Variants in DLG4 observed in about 807,000 individuals in gnomAD.
DLG4 encodes the protein disks large homolog 4.
A neutral mutation model predicts 93.8 loss-of-function variants in DLG4; 7 were observed. That is an observed-to-expected ratio of 0.07 (90% CI 0.04 to 0.14). The LOEUF (loss-of-function observed/expected upper bound fraction) is 0.14. Among genes scored for constraint, DLG4 ranks in the 10% least tolerant of loss-of-function variants. The pLI is 1.00. For missense variants in DLG4, 545 were observed against 992.9 expected (o/e 0.55, Z 6.06); for synonymous variants, 341 against 387.6 (o/e 0.88, Z 1.41).
At chr17:7,210,641 A>C (rs1392103644) in intron 1 of DLG4, among the ~76,000 whole-genome samples, 1 of 152,166 alleles carries the variant, frequency 6.6e-6, no homozygotes, top group African/African-American at 2.4e-5. Flanking sequence ...ACCTGGGGGA[A>C]GGGGTGGAAG....
At chr17:7,219,701 C>T, upstream of DLG4, 1 of 1,387,258 alleles carries the variant, frequency 7.2e-7, no homozygotes, top group South Asian at 1.5e-5. Flanking sequence ...CTCTTCTGTC[C>T]CATCCTATCC....
intron 1 of DLG4, among the ~76,000 whole-genome samples, chr17:7,213,155 T>C (rs2142923641): frequency 7.2e-6 from 1 of 139,072 alleles, no homozygotes. Context: ...TGGAGTGCAA[T>C]GGCGCGATCT....
chr17:7,199,904 C>T (rs891683708), intron 8 of DLG4, among the ~76,000 whole-genome samples: 6 of 149,104 alleles, frequency 4.0e-5, no homozygotes, highest in Non-Finnish European at 5.9e-5. Context: ...GGCATGAACC[C>T]GGGAGGCGGA....
At chr17:7,207,657 G>C (rs1218635877) in intron 2 of DLG4, among the ~76,000 whole-genome samples, 1 of 151,814 alleles carries the variant, frequency 6.6e-6, no homozygotes, top group Non-Finnish European at 1.5e-5. Context: ...CAGGCGTGGG[G>C]GCCTCTTGGG....
chr17:7,201,587 T>A (rs533321394), intron 8 of DLG4, among the ~76,000 whole-genome samples: 55 of 152,258 alleles, frequency 3.6e-4, no homozygotes, highest in African/African-American at 1.3e-3. Flanking sequence ...GCCCTCTTTG[T>A]AAGTTAACGG....
intron 2 of DLG4, chr17:7,207,957 C>T (rs2070551302): frequency 2.1e-6 from 2 of 940,278 alleles, no homozygotes; most frequent in Non-Finnish European, 2.7e-6. Context: ...AAACCCCCGC[C>T]CCCAGTCCCA....
At chr17:7,204,328 A>C in intron 2 of DLG4, 76 bp from the exon 3 acceptor site, 1 of 1,416,196 alleles carries the variant, frequency 7.1e-7, no homozygotes, top group Non-Finnish European at 9.5e-7. Context: ...GGGTCCCATC[A>C]GCGTGGCTAC....
At chr17:7,207,970 A>C (rs2142904943) in intron 2 of DLG4, 3 of 896,564 alleles carry the variant, frequency 3.3e-6, no homozygotes, top group African/African-American at 1.8e-5. Context: ...CAGTCCCAGC[A>C]TCCCCCTCCC....
chr17:7,217,850 C>T (rs1378735001), upstream of DLG4: 2 of 1,529,022 alleles, frequency 1.3e-6, no homozygotes, highest in Non-Finnish European at 1.8e-6. Flanking sequence ...AAGGAAGCAT[C>T]TATAGTTGGG....
Position 7,187,311 on chromosome 17 carries a change from G to GC in DLG4, c.*3396_*3397insG, listed in dbSNP as rs994013299. Reference sequence around the variant, plus strand: ...TCCTAGCACTTTGGGAGGCCGAGGGGGGGGGGGGTGGATCACCCGAGGTCA... The same window carrying GC: ...TCCTAGCACTTTGGGAGGCCGAGGGGCGGGGGGGGTGGATCACCCGAGGTCA... On this transcript the variant is annotated 3_prime_UTR_variant, in exon 20 of 20. Transcript: ENST00000399506. 1.6e-4 allele frequency among the ~76,000 whole-genome samples: 20 copies of GC among 125,690 alleles called. 5 individuals carry two copies. The highest frequency in any genetic ancestry group is 9.7e-4 in the East Asian group (4 of 4,114). 82.5% of individuals were successfully genotyped at this position (125,690 alleles called of 152,430 possible).
intron 2 of DLG4, among the ~76,000 whole-genome samples, chr17:7,206,885 A>C (rs1434668877): frequency 2.6e-5 from 4 of 151,856 alleles, no homozygotes; most frequent in Non-Finnish European, 5.9e-5. Flanking sequence ...AACATCCTAG[A>C]ATCCCCACCC....
At chr17:7,206,233 G>A (rs1014034513) in intron 2 of DLG4, among the ~76,000 whole-genome samples, 5 of 152,006 alleles carry the variant, frequency 3.3e-5, no homozygotes, top group African/African-American at 1.2e-4. Context: ...ACAGGCACAT[G>A]CCACCCCACC....
At chr17:7,214,851 G>A (rs538106470) in intron 1 of DLG4, among the ~76,000 whole-genome samples, 7 of 152,328 alleles carry the variant, frequency 4.6e-5, no homozygotes, top group African/African-American at 1.7e-4. Flanking sequence ...CTGTAGAGTG[G>A]AGTTTGCACA....
In DLG4 at chr17:7,193,429, C is replaced by G; in HGVS notation, c.1693+54G>C. The G allele has an allele frequency of 6.8e-7, 1 of 1,477,450 alleles. No individual in the cohort carries two copies. The highest frequency in any genetic ancestry group is 1.4e-5 in the South Asian group (1 of 69,846). The allele number at this position is 1,477,450 out of a possible 1,614,324, so 91.5% of individuals were successfully genotyped here. On this transcript the variant is annotated intron_variant, in intron 16 of 19. Transcript: ENST00000399506. This position sits in a 1 kb window ranked among gnomAD's most constrained non-coding sequence, Gnocchi z 6.7. ...GCCTATGGCCCCAGGGATGGGCCTCCCCTGCCCCACCCCCACTTCCACCTT... is the reference window on the plus strand; with the variant it reads ...GCCTATGGCCCCAGGGATGGGCCTCGCCTGCCCCACCCCCACTTCCACCTT...
chr17:7,191,589 C>T lies in DLG4; in HGVS notation c.1977-231G>A. 1 of 593,884 alleles carries T rather than the reference C, an allele frequency of 1.7e-6. No homozygotes were observed. Among genetic ancestry groups the T allele is most frequent in the Non-Finnish European group, 3.0e-6 (1 of 334,032 alleles). 36.8% of individuals were successfully genotyped at this position (593,884 alleles called of 1,614,324 possible). On this transcript the variant is annotated intron_variant, in intron 18 of 19. Transcript: ENST00000399506. The surrounding 1 kb of genome is among the most constrained non-coding windows in gnomAD (Gnocchi z 6.6). ...TCCAGGGACATCTACGGAGCTTCAT[C>T]CTTCCAGCCTTCAGCCCCAGAGATG...
Position 7,196,393 on chromosome 17 carries a change from T to C in DLG4, c.1187-59A>G. Reference sequence around the variant, plus strand: ...CCCCATCCTACTGTCACCCCTGTCCTCCCCTACTGAAGCCATCAGCTGAGG... The same window carrying C: ...CCCCATCCTACTGTCACCCCTGTCCCCCCCTACTGAAGCCATCAGCTGAGG... On this transcript the variant is annotated intron_variant, in intron 10 of 19. Coordinates refer to ENST00000399506, the MANE Select transcript of DLG4 (RefSeq NM_001321075.3). The surrounding 1 kb of genome is among the most constrained non-coding windows in gnomAD (Gnocchi z 8.3). 1 of 1,608,464 alleles carries C rather than the reference T, an allele frequency of 6.2e-7. No individual in the cohort carries two copies. The highest frequency in any genetic ancestry group is 8.5e-7 in the Non-Finnish European group (1 of 1,174,966).
intron 2 of DLG4, 185 bp downstream of exon 2, chr17:7,207,989 T>C: frequency 9.7e-7 from 1 of 1,029,362 alleles, no homozygotes; most frequent in Non-Finnish European, 1.2e-6. Flanking sequence ...CCCACGGCTC[T>C]CTCTCACCCT....
upstream of DLG4, chr17:7,220,004 C>T: frequency 6.2e-7 from 1 of 1,603,890 alleles, no homozygotes; most frequent in East Asian, 2.2e-5. Flanking sequence ...GCTCGGATGG[C>T]CGCGAGCTTG....
chr17:7,219,242 A>G, upstream of DLG4: 1 of 370,218 alleles, frequency 2.7e-6, no homozygotes, highest in South Asian at 4.9e-5. Flanking sequence ...TTTACGGGTA[A>G]GAGGCAGGAG....
Sources: gnomAD v4.1 joint callset for allele counts (sites outside exome capture counted in the v4.1 genomes callset) on GRCh38, gnomAD v4.1.1 for gene constraint, Gnocchi (gnomAD v3.1) non-coding constraint, MANE v1.5 for transcripts, NCBI Gene and HGNC (gene_info 2026-07-23, HGNC 2026-07-21) for gene names.